Variants in DEPDC1B observed in about 807,000 individuals in gnomAD.
The protein encoded by DEPDC1B is DEP domain containing 1B.
DEPDC1B carries 51 observed loss-of-function variants against 66.5 expected under a neutral mutation model. That is an observed-to-expected ratio of 0.77 (90% CI 0.61 to 0.97). DEPDC1B has a LOEUF of 0.97. Among genes scored for constraint, DEPDC1B ranks in the 50% least tolerant of loss-of-function variants. The probability of loss-of-function intolerance (pLI) is 0.00; values close to 1 mark genes in which losing one functional copy is unlikely to be tolerated. For missense variants in DEPDC1B, 552 were observed against 637.1 expected, an observed-to-expected ratio of 0.87 and a Z score of 1.44; for synonymous variants, 226 against 223.6, an observed-to-expected ratio of 1.01 and a Z score of -0.10.
intron 1 of DEPDC1B, chr5:60,689,150 C>CT: frequency 2.3e-6 from 1 of 427,768 alleles, no homozygotes; most frequent in Non-Finnish European, 4.7e-6. Flanking sequence ...TGGTTGAGAA[C>CT]TAAAAAAAAT....
At chr5:60,699,964 G>A in intron 1 of DEPDC1B, 82 bp downstream of exon 1, 4 of 1,503,050 alleles carry the variant, frequency 2.7e-6, no homozygotes, top group South Asian at 2.4e-5. Context: ...CGGAAGCGAA[G>A]ACTGACAAGC....
intron 1 of DEPDC1B, among the ~76,000 whole-genome samples, chr5:60,697,362 A>G (rs1754680841): frequency 6.6e-6 from 1 of 152,156 alleles, no homozygotes; most frequent in African/African-American, 2.4e-5. Context: ...ATAAAGGCCT[A>G]GTTTTTGTAT....
At chr5:60,655,319 G>T (rs945284359) in intron 2 of DEPDC1B, among the ~76,000 whole-genome samples, 1 of 148,308 alleles carries the variant, frequency 6.7e-6, no homozygotes, top group Non-Finnish European at 1.5e-5. Flanking sequence ...CTATTGGTCT[G>T]TTCAGAGTTT....
intron 7 of DEPDC1B, among the ~76,000 whole-genome samples, chr5:60,624,357 G>A (rs1327162540): frequency 1.3e-5 from 2 of 152,078 alleles, no homozygotes; most frequent in East Asian, 3.9e-4. Flanking sequence ...TGGCCATGAT[G>A]TATTATTGTC....
intron 9 of DEPDC1B, among the ~76,000 whole-genome samples, chr5:60,600,107 C>T (rs1466721165): frequency 6.6e-6 from 1 of 152,190 alleles, no homozygotes; most frequent in African/African-American, 2.4e-5. Context: ...CAGGCGCATT[C>T]CCACATCTGA....
intron 7 of DEPDC1B, among the ~76,000 whole-genome samples, chr5:60,622,157 A>G (rs1221299572): frequency 6.6e-6 from 1 of 152,150 alleles, no homozygotes; most frequent in African/African-American, 2.4e-5. Flanking sequence ...GCATATCCCC[A>G]TGTAAACAGC....
chr5:60,632,800 G>A (rs1462570538), intron 7 of DEPDC1B, among the ~76,000 whole-genome samples: 1 of 152,218 alleles, frequency 6.6e-6, no homozygotes. Flanking sequence ...TGGGGATAAT[G>A]CAGCATCCAG....
rs77868687 is a variant in DEPDC1B at position 60,600,131 on chromosome 5, C to A, written c.1243-871G>T. Among the ~76,000 whole-genome samples the A allele has an allele frequency of 1.4e-4, 22 of 152,294 alleles. No homozygotes were observed. The East Asian group carries it at 4.2e-3, about 29-fold the overall frequency. On this transcript the variant is annotated intron_variant, in intron 9 of 10. Transcript: ENST00000265036. ...TCCCACATCTGAAGAGTGTGATTCT[C>A]AATGCCTTGGGGATGGTAGTGGCAT... is the stretch of plus-strand genomic sequence containing the variant.
At chr5:60,687,361 T>C (rs1420015424) in intron 1 of DEPDC1B, 134 bp from the exon 2 acceptor site, 9 of 1,138,674 alleles carry the variant, frequency 7.9e-6, no homozygotes, top group African/African-American at 1.6e-5. Context: ...CTTGAAAATG[T>C]TTTATTTACA....
intron 7 of DEPDC1B, among the ~76,000 whole-genome samples, chr5:60,606,438 T>C (rs1422553837): frequency 6.6e-6 from 1 of 152,010 alleles, no homozygotes; most frequent in Non-Finnish European, 1.5e-5. Flanking sequence ...AATCATGTTA[T>C]ATGCCATCCT....
chr5:60,646,116 A>G (rs1753310650), intron 3 of DEPDC1B, among the ~76,000 whole-genome samples: 1 of 152,218 alleles, frequency 6.6e-6, no homozygotes, highest in Admixed American at 6.5e-5. Flanking sequence ...CATCTGCAAA[A>G]GGCTCCACAA....
chr5:60,675,803 A>C (rs1366059527), intron 2 of DEPDC1B, among the ~76,000 whole-genome samples: 1 of 151,854 alleles, frequency 6.6e-6, no homozygotes, highest in East Asian at 1.9e-4. Flanking sequence ...TCTGCCTTAC[A>C]ATCTATTCTG....
intron 9 of DEPDC1B, among the ~76,000 whole-genome samples, chr5:60,601,996 T>C (rs1752207643): frequency 1.3e-5 from 2 of 152,186 alleles, no homozygotes; most frequent in African/African-American, 4.8e-5. Context: ...AAAAGGCATG[T>C]CATGAATTCA....
chr5:60,654,706 G>A (rs1215802103), intron 2 of DEPDC1B, among the ~76,000 whole-genome samples: 1 of 148,670 alleles, frequency 6.7e-6, no homozygotes, highest in Non-Finnish European at 1.5e-5. Context: ...TCTTTTTCCA[G>A]TTCTCAGGGG....
At chr5:60,645,013 A>G in intron 4 of DEPDC1B, 138 bp from the exon 5 acceptor site, 1 of 577,374 alleles carries the variant, frequency 1.7e-6, no homozygotes, top group Non-Finnish European at 2.8e-6. Context: ...CAAAAAGGGT[A>G]GAAATGGAGT....
rs950857334 is a variant in DEPDC1B, at chr5:60,596,991, T to C, written c.*762A>G. The C allele has an allele frequency of 2.0e-5, 3 of 152,630 alleles. No homozygotes were observed. The highest frequency in any genetic ancestry group is 2.0e-4 in the Admixed American group (3 of 15,274). The allele number at this position is 152,630 out of a possible 1,614,324, so 9.5% of individuals were successfully genotyped here. On this transcript the variant is annotated 3_prime_UTR_variant, in exon 11 of 11. Coordinates refer to ENST00000265036, the MANE Select transcript of DEPDC1B (RefSeq NM_018369.3). Reference sequence around the variant, plus strand: ...GAAAATATATTTATAAAGGAAGTAGTCTCATTTTATTTAACCCATTTGCAT... The same window carrying C: ...GAAAATATATTTATAAAGGAAGTAGCCTCATTTTATTTAACCCATTTGCAT...
intron 10 of DEPDC1B, 87 bp from the exon 11 acceptor site, chr5:60,598,001 C>G: frequency 8.9e-7 from 1 of 1,119,930 alleles, no homozygotes; most frequent in South Asian, 1.9e-5. Flanking sequence ...AGTTTCTGAG[C>G]CTGTATTTTC....
At chr5:60,617,885 G>T (rs1752599206) in intron 7 of DEPDC1B, among the ~76,000 whole-genome samples, 1 of 152,296 alleles carries the variant, frequency 6.6e-6, no homozygotes, top group South Asian at 2.1e-4. Context: ...CACATAGTTG[G>T]AAGTAAAGCA....
chr5:60,640,754 G>C (rs536301486), intron 6 of DEPDC1B, among the ~76,000 whole-genome samples: 1 of 152,250 alleles, frequency 6.6e-6, no homozygotes, highest in African/African-American at 2.4e-5. Context: ...GGAGGCAATA[G>C]GCCTTCAAAA....
Sources: allele counts gnomAD v4.1 joint callset (sites outside exome capture counted in the v4.1 genomes callset), GRCh38; gene constraint gnomAD v4.1.1; transcripts MANE v1.5; gene names NCBI Gene and HGNC (gene_info 2026-07-23, HGNC 2026-07-21).